The following GALK2 variants were observed in gnomAD, a reference collection of about 807,000 sequenced individuals.
GALK2 encodes galactokinase 2, also known as N-acetylgalactosamine kinase.
A neutral mutation model predicts 52.4 loss-of-function variants in GALK2; 36 were observed. The observed-to-expected ratio is 0.69, with a 90% CI of 0.53 to 0.91. GALK2 has a LOEUF of 0.91. GALK2 is among the 40% of genes least tolerant of loss of function. GALK2 has a pLI of 0.00. For missense variants in GALK2, 579 were observed against 559.1 expected, an observed-to-expected ratio of 1.04 and a Z score of -0.36; for synonymous variants, 176 against 199.1, an observed-to-expected ratio of 0.88 and a Z score of 0.98.
At chr15:49,366,973 T>C (rs2045326093) in intron 3 of GALK2, among the ~76,000 whole-genome samples, 1 of 152,146 alleles carries the variant, frequency 6.6e-6, no homozygotes. Flanking sequence ...ACCAAAGAGC[T>C]CCGATTTTAA....
intron 1 of GALK2, among the ~76,000 whole-genome samples, chr15:49,195,848 A>C (rs117006119): frequency 2.0e-3 from 305 of 151,540 alleles, no homozygotes; most frequent in Middle Eastern, 3.4e-3. Context: ...GCTTAATGTT[A>C]GGTAGAAAGG....
chr15:49,315,434 A>ATCC, intron 8 of GALK2, among the ~76,000 whole-genome samples: 1 of 152,194 alleles, frequency 6.6e-6, no homozygotes, highest in Non-Finnish European at 1.5e-5. Flanking sequence ...TTATGGATAA[A>ATCC]GCTTCAGATT....
intron 8 of GALK2, among the ~76,000 whole-genome samples, chr15:49,304,775 A>AT (rs2035410029): frequency 6.6e-6 from 1 of 152,210 alleles, no homozygotes; most frequent in Non-Finnish European, 1.5e-5. Flanking sequence ...CGAAGTTGAC[A>AT]TTTTTTCCAA....
rs984121453 is a variant in GALK2 at position 49,156,940 on chromosome 15, A to G, written c.20+924A>G. 7 of 373,352 alleles carry G rather than the reference A, an allele frequency of 1.9e-5. 1 individual carries two copies. The highest frequency in any genetic ancestry group is 2.5e-5 in the Non-Finnish European group (5 of 201,034). 23.1% of individuals were successfully genotyped at this position (373,352 alleles called of 1,614,324 possible). A position where few individuals can be genotyped will look rare whatever the true frequency, so the allele number is the denominator to read the frequency against. On this transcript the variant is annotated intron_variant, in intron 1 of 9. Coordinates refer to the GALK2 transcript ENST00000327171. Reference sequence around the variant, plus strand: ...GCATATTAAATTATGTTAATTACCAAGTGTTTAATGCTCTCATTGTGAGAG... The same window carrying G: ...GCATATTAAATTATGTTAATTACCAGGTGTTTAATGCTCTCATTGTGAGAG...
Position 49,328,878 on chromosome 15 carries a change from G to A in GALK2, c.*719G>A. ...ATAAATAACCACTTTCAATTCTTTT[G>A]GCCCTGAGCTATCTCCATTACTTAA... On this transcript the variant is annotated 3_prime_UTR_variant, in exon 10 of 10. Transcript: ENST00000560031. The A allele has an allele frequency of 8.3e-6, 11 of 1,320,500 alleles. No individual in the cohort carries two copies. The highest frequency in any genetic ancestry group is 9.7e-6 in the Non-Finnish European group (10 of 1,032,846). 81.8% of individuals were successfully genotyped at this position (1,320,500 alleles called of 1,614,324 possible).
At chr15:49,238,651 C>T (rs191287956) in intron 4 of GALK2, among the ~76,000 whole-genome samples, 17 of 152,246 alleles carry the variant, frequency 1.1e-4, no homozygotes, top group African/African-American at 3.6e-4. Flanking sequence ...AAAGTTTCTT[C>T]ATCTCTTGGT....
chr15:49,367,683 C>A, exon 4 of GALK2: 3 of 1,278,598 alleles, frequency 2.3e-6, no homozygotes, highest in South Asian at 3.0e-5. Flanking sequence ...AATATAACTT[C>A]ATATTTAGCA....
chr15:49,218,170 ACT>A (rs1428129972), intron 3 of GALK2, among the ~76,000 whole-genome samples: 1 of 152,034 alleles, frequency 6.6e-6, no homozygotes, highest in Non-Finnish European at 1.5e-5. Context: ...TTTTGATAAG[ACT>A]CTATACCAGT....
chr15:49,204,103 C>CA (rs373448754), intron 2 of GALK2, among the ~76,000 whole-genome samples: 26,111 of 103,292 alleles, frequency 0.25, 2,628 homozygotes, highest in South Asian at 0.33. Flanking sequence ...GATTCTGTCT[C>CA]AAAAAAAAAA....
chr15:49,270,914 C>T (rs1466404309), intron 5 of GALK2, among the ~76,000 whole-genome samples: 1 of 152,064 alleles, frequency 6.6e-6, no homozygotes, highest in East Asian at 1.9e-4. Flanking sequence ...GATTGGTTTA[C>T]CACTAGAAAT....
At chr15:49,166,122 G>A (rs1238137579), upstream of GALK2, among the ~76,000 whole-genome samples, 2 of 152,050 alleles carry the variant, frequency 1.3e-5, no homozygotes, top group Non-Finnish European at 1.5e-5. Context: ...ACTTTCAAGT[G>A]ACGCTGATGC....
At chr15:49,157,700 G>C (rs1013881714) in intron 1 of GALK2, among the ~76,000 whole-genome samples, 7 of 152,156 alleles carry the variant, frequency 4.6e-5, no homozygotes, top group African/African-American at 1.7e-4. Flanking sequence ...AGAGAAGAGA[G>C]AAAAAATAGC....
intron 5 of GALK2, among the ~76,000 whole-genome samples, chr15:49,262,896 T>C (rs2092191172): frequency 6.9e-6 from 1 of 143,974 alleles, no homozygotes; most frequent in Non-Finnish European, 1.5e-5. Context: ...AGATTCTTAA[T>C]CCTGAGTTCT....
intron 2 of GALK2, among the ~76,000 whole-genome samples, chr15:49,206,248 T>A (rs1347895954): frequency 6.6e-6 from 1 of 151,660 alleles, no homozygotes; most frequent in East Asian, 1.9e-4. Context: ...AATTTTTATT[T>A]ATTTATTTAT....
chr15:49,326,120 G>C (rs1460105173), intron 9 of GALK2, among the ~76,000 whole-genome samples: 1 of 152,142 alleles, frequency 6.6e-6, no homozygotes. Context: ...AGAAGGCACA[G>C]TATTCTTCTC....
At chr15:49,349,796 T>C (rs2041995192) in intron 3 of GALK2, among the ~76,000 whole-genome samples, 1 of 152,164 alleles carries the variant, frequency 6.6e-6, no homozygotes, top group Admixed American at 6.6e-5. Context: ...TGAAGCCATG[T>C]GTATGGACCA....
At chr15:49,332,249 C>G (rs1484053937), downstream of GALK2, among the ~76,000 whole-genome samples, 1 of 152,192 alleles carries the variant, frequency 6.6e-6, no homozygotes. Flanking sequence ...ATGGTTTACA[C>G]AGTATTGCTT....
intron 1 of GALK2, among the ~76,000 whole-genome samples, chr15:49,176,038 C>T (rs902210992): frequency 1.3e-5 from 2 of 152,242 alleles, no homozygotes; most frequent in African/African-American, 4.8e-5. Context: ...AAACCCCTTC[C>T]TTCTTTAACT....
In GALK2 at chr15:49,319,603, G is replaced by T. The variant is rs1469342253; in HGVS notation, c.968-1G>T. On this transcript the variant is annotated splice_acceptor_variant, in intron 8 of 9. Transcript: ENST00000560031. LOFTEE classifies it high-confidence loss of function. ...CCTTCCCCATCCTCTTCCTTCCTCA[G>T]TGCTCATCTTCAAACTCTATCAGCG... is the stretch of plus-strand genomic sequence containing the variant. 1 of 1,613,996 alleles carries T rather than the reference G, an allele frequency of 6.2e-7. No homozygotes were observed. Among genetic ancestry groups the T allele is most frequent in the East Asian group, 2.2e-5 (1 of 44,872 alleles).
Sources: allele counts gnomAD v4.1 joint callset (sites outside exome capture counted in the v4.1 genomes callset), GRCh38; gene constraint gnomAD v4.1.1; transcripts MANE v1.5; gene names NCBI Gene and HGNC (gene_info 2026-07-23, HGNC 2026-07-21).